HLCS: variants seen among roughly 807,000 people sequenced by gnomAD.
HLCS encodes holocarboxylase synthetase.
A neutral mutation model predicts 75.0 loss-of-function variants in HLCS; 53 were observed. That is an observed-to-expected ratio of 0.71 (90% CI 0.57 to 0.89). HLCS has a LOEUF of 0.89. Among genes scored for constraint, HLCS ranks in the 40% least tolerant of loss-of-function variants. The pLI, the probability that HLCS is intolerant of heterozygous loss-of-function variation, is 0.00. For synonymous variants in HLCS, 431 were observed against 428.6 expected (o/e 1.01, Z -0.07); for missense variants, 966 against 1,074.0 (o/e 0.90, Z 1.41).
chr21:36,882,177 G>A (rs948518258), intron 6 of HLCS, among the ~76,000 whole-genome samples: 3 of 152,028 alleles, frequency 2.0e-5, no homozygotes, highest in Admixed American at 6.5e-5. Context: ...AGCTACTCGG[G>A]AGGCTGAGGC....
intron 1 of HLCS, among the ~76,000 whole-genome samples, chr21:36,983,273 C>T (rs1370491442): frequency 1.3e-5 from 2 of 151,752 alleles, no homozygotes; most frequent in Admixed American, 6.6e-5. Flanking sequence ...TGCAGAAGCA[C>T]GATCTTGGCT....
At chr21:36,785,147 T>C (rs912831505) in intron 6 of HLCS, among the ~76,000 whole-genome samples, 1 of 151,938 alleles carries the variant, frequency 6.6e-6, no homozygotes, top group Non-Finnish European at 1.5e-5. Flanking sequence ...ACGCCCTGTG[T>C]GTCACCTTCC....
chr21:36,930,398 C>T lies in HLCS; in HGVS notation c.1473G>A (p.Val491=), dbSNP rs367611748. 3 of 1,613,968 alleles carry T rather than the reference C, an allele frequency of 1.9e-6. No homozygotes were observed. Among genetic ancestry groups the T allele is most frequent in the African/African-American group, 1.3e-5 (1 of 74,874 alleles). Residue 491 remains valine, a synonymous_variant, in exon 5 of 11, where the codon GTG becomes GTA. Coordinates refer to ENST00000674895, the MANE Select transcript of HLCS (RefSeq NM_001352514.2). ...HLELPPSSNI[V]QTPEDFNLLK... ...GCAAGTTAAAATCTTCTGGAGTTTG[C>T]ACTATGTTGGAGCTGGGAGGTAGTT...
At chr21:36,911,931 C>T (rs1876997782) in intron 5 of HLCS, among the ~76,000 whole-genome samples, 3 of 150,532 alleles carry the variant, frequency 2.0e-5, no homozygotes, top group Admixed American at 1.3e-4. Flanking sequence ...ATTAGCCAGG[C>T]GTGGTGGTGA....
intron 2 of HLCS, among the ~76,000 whole-genome samples, chr21:36,960,572 C>G (rs1382598227): frequency 6.6e-6 from 1 of 152,214 alleles, no homozygotes; most frequent in African/African-American, 2.4e-5. Context: ...ACTATCTGCA[C>G]CTGCCTCCCC....
chr21:36,787,754 A>AC (rs1218654311), intron 6 of HLCS, among the ~76,000 whole-genome samples: 3 of 152,066 alleles, frequency 2.0e-5, no homozygotes, highest in Non-Finnish European at 4.4e-5. Flanking sequence ...TCTCCTTCCT[A>AC]CCTCACATGA....
At chr21:36,905,752 G>A (rs1391520185) in intron 5 of HLCS, among the ~76,000 whole-genome samples, 3 of 152,014 alleles carry the variant, frequency 2.0e-5, no homozygotes, top group Non-Finnish European at 4.4e-5. Context: ...TGGGATACAA[G>A]GTCAATATAC....
At chr21:36,932,451 C>T (rs2066690698) in intron 4 of HLCS, among the ~76,000 whole-genome samples, 2 of 152,180 alleles carry the variant, frequency 1.3e-5, no homozygotes, top group Non-Finnish European at 2.9e-5. Context: ...ACCCTCCTTC[C>T]CCTGATTGAA....
At chr21:36,987,360 C>T (rs1213775609) in intron 1 of HLCS, among the ~76,000 whole-genome samples, 1 of 152,232 alleles carries the variant, frequency 6.6e-6, no homozygotes, top group Non-Finnish European at 1.5e-5. Context: ...CTCCTGTAAT[C>T]CCAGCACTTT....
intron 1 of HLCS, among the ~76,000 whole-genome samples, chr21:36,975,538 G>A (rs1236491113): frequency 2.0e-5 from 3 of 152,168 alleles, no homozygotes; most frequent in Non-Finnish European, 4.4e-5. Flanking sequence ...ACCCCAGAAA[G>A]TGCAGGCAGT....
intron 6 of HLCS, chr21:36,852,129 G>C (rs1285129902): frequency 6.6e-6 from 1 of 152,260 alleles, no homozygotes; most frequent in Non-Finnish European, 1.5e-5. Flanking sequence ...TCCTGCTGCA[G>C]AGATGCTCTG....
At chr21:36,839,627 A>C (rs1335294779) in intron 6 of HLCS, among the ~76,000 whole-genome samples, 1 of 152,222 alleles carries the variant, frequency 6.6e-6, no homozygotes, top group Non-Finnish European at 1.5e-5. Context: ...CACAAAATAC[A>C]GGCAAAAGAA....
At chr21:36,771,144 C>T (rs1330775601) in intron 6 of HLCS, among the ~76,000 whole-genome samples, 4 of 152,062 alleles carry the variant, frequency 2.6e-5, no homozygotes, top group African/African-American at 4.8e-5. Context: ...GGCGTGAACC[C>T]GGGAGGCAGA....
At chr21:36,793,355 G>A (rs765507682) in intron 6 of HLCS, among the ~76,000 whole-genome samples, 2 of 148,844 alleles carry the variant, frequency 1.3e-5, no homozygotes, top group Non-Finnish European at 3.0e-5. Flanking sequence ...GAGTGCAGTG[G>A]CGCAATCTTG....
At chr21:36,985,847 A>G (rs2146749290) in intron 1 of HLCS, among the ~76,000 whole-genome samples, 1 of 152,096 alleles carries the variant, frequency 6.6e-6, no homozygotes, top group Non-Finnish European at 1.5e-5. Flanking sequence ...TCCTAAATCC[A>G]ATTCAGGTTA....
At chr21:36,906,894 C>T (rs1052274096) in intron 5 of HLCS, among the ~76,000 whole-genome samples, 3 of 152,064 alleles carry the variant, frequency 2.0e-5, no homozygotes, top group Non-Finnish European at 2.9e-5. Flanking sequence ...TAGGGCCAAA[C>T]ATATAAGTGT....
intron 6 of HLCS, among the ~76,000 whole-genome samples, chr21:36,814,322 TAC>T (rs2061597274): frequency 6.6e-6 from 1 of 152,242 alleles, no homozygotes; most frequent in Non-Finnish European, 1.5e-5. Flanking sequence ...AAAAGGGCTA[TAC>T]TATCATTTTC....
chr21:36,970,301 C>T (rs796930539), upstream of HLCS, among the ~76,000 whole-genome samples: 32 of 152,264 alleles, frequency 2.1e-4, 1 homozygote, highest in African/African-American at 7.2e-4. Flanking sequence ...GGTGCAATCC[C>T]GACTCACTGC....
At chr21:36,868,891 G>A (rs988525264) in intron 6 of HLCS, among the ~76,000 whole-genome samples, 4 of 152,080 alleles carry the variant, frequency 2.6e-5, no homozygotes, top group African/African-American at 9.7e-5. Flanking sequence ...GAGACGAAGT[G>A]AAGGCTCTGT....
Sources: gnomAD v4.1 joint callset for allele counts (sites outside exome capture counted in the v4.1 genomes callset) on GRCh38, gnomAD v4.1.1 for gene constraint, MANE v1.5 for transcripts, NCBI Gene and HGNC (gene_info 2026-07-23, HGNC 2026-07-21) for gene names.